The following AFF2 variants were observed in gnomAD, a reference collection of about 807,000 sequenced individuals.
AFF2 encodes AF4/FMR2 family member 2.
A neutral mutation model predicts 76.9 loss-of-function variants in AFF2; 14 were observed. The ratio of observed to expected loss-of-function variants is 0.18; its 90% CI spans 0.12 to 0.28. AFF2 has a LOEUF of 0.28. Ranked by LOEUF, AFF2 falls within the 10% of genes least tolerant of loss-of-function variation. The pLI, the probability that AFF2 is intolerant of heterozygous loss-of-function variation, is 1.00. For synonymous variants in AFF2, 398 were observed against 366.7 expected (o/e 1.09, Z -0.98); for missense variants, 868 against 1,001.1 (o/e 0.87, Z 1.79).
intron 1 of AFF2, among the ~76,000 whole-genome samples, chrX:148,590,478 T>C (rs1344132842): frequency 1.8e-5 from 2 of 111,667 alleles, no homozygotes; most frequent in Admixed American, 1.9e-4. Context: ...TCTTCCTTTT[T>C]AATTTCTCAA....
intron 1 of AFF2, among the ~76,000 whole-genome samples, chrX:148,527,641 A>G (rs1261681230): frequency 1.8e-5 from 2 of 111,622 alleles, no homozygotes; most frequent in African/African-American, 6.5e-5. Flanking sequence ...AATTAACACT[A>G]CGTGAAAGAT....
At chrX:148,959,341 C>T (rs1263989261) in intron 12 of AFF2, among the ~76,000 whole-genome samples, 1 of 112,536 alleles carries the variant, frequency 8.9e-6, no homozygotes, top group Non-Finnish European at 1.9e-5. Flanking sequence ...ATTCATTCAA[C>T]ATTAGAGATT....
intron 3 of AFF2, among the ~76,000 whole-genome samples, chrX:148,773,744 AAG>A (rs782186843): frequency 1.6e-4 from 14 of 87,067 alleles, no homozygotes; most frequent in South Asian, 1.1e-3. Context: ...GAAAGAAAGA[AAG>A]AGAAAGAAAG....
intron 1 of AFF2, among the ~76,000 whole-genome samples, chrX:148,521,097 G>C (rs2052592154): frequency 9.0e-6 from 1 of 111,349 alleles, no homozygotes; most frequent in Non-Finnish European, 1.9e-5. Flanking sequence ...GCTACCTTAA[G>C]TCTACTTCCT....
At chrX:148,893,622 T>C (rs2071248548) in intron 8 of AFF2, among the ~76,000 whole-genome samples, 1 of 112,230 alleles carries the variant, frequency 8.9e-6, no homozygotes, top group African/African-American at 3.2e-5. Flanking sequence ...ACAATGACCT[T>C]AAGTCAGACA....
intron 1 of AFF2, among the ~76,000 whole-genome samples, chrX:148,619,087 C>T (rs1163741942): frequency 1.8e-5 from 2 of 111,386 alleles, no homozygotes; most frequent in African/African-American, 3.3e-5. Flanking sequence ...TTCTATTTTC[C>T]TTCACTATGA....
In AFF2 at chrX:148,967,638, T is replaced by A; in HGVS notation, c.3213T>A (p.Asn1071Lys). 8.3e-7 allele frequency: 1 copy of A among 1,209,467 alleles called. No individual in the cohort carries two copies. Residue 1071 changes from asparagine (N) to lysine (K), a missense_variant, in exon 15 of 21, where the codon AAT becomes AAA. Transcript: ENST00000370460. ...PKLTFDDSVH[N>K]ADYYMQEAKK... Reference sequence around the variant, plus strand: ...TGTTTTGTTTATTTAGGGTTCACAATGCTGATTATTACATGCAAGAAGCTA... The same window carrying A: ...TGTTTTGTTTATTTAGGGTTCACAAAGCTGATTATTACATGCAAGAAGCTA...
chrX:148,837,296 C>T (rs782503012), intron 4 of AFF2, among the ~76,000 whole-genome samples: 15 of 112,199 alleles, frequency 1.3e-4, no homozygotes, highest in Non-Finnish European at 3.8e-5. Flanking sequence ...TATCTTCCAA[C>T]AACTGAAGGC....
chrX:148,716,304 T>C (rs2055024951), intron 3 of AFF2, among the ~76,000 whole-genome samples: 2 of 111,473 alleles, frequency 1.8e-5, no homozygotes, highest in South Asian at 7.5e-4. Context: ...TTGGAAACAG[T>C]GCTACACTTA....
At chrX:148,640,724 T>G (rs782217201) in intron 1 of AFF2, among the ~76,000 whole-genome samples, 4 of 112,460 alleles carry the variant, frequency 3.6e-5, no homozygotes, top group Non-Finnish European at 5.6e-5. Context: ...TTCAAGGATC[T>G]TCCTGTCACT....
chrX:148,942,794 C>T (rs1225102574), intron 9 of AFF2, among the ~76,000 whole-genome samples: 4 of 91,889 alleles, frequency 4.4e-5, no homozygotes, highest in East Asian at 3.5e-4. Flanking sequence ...CCAGCCCAGG[C>T]GATAGTGTGA....
At chrX:148,655,269 G>A (rs1557256888) in intron 2 of AFF2, among the ~76,000 whole-genome samples, 1 of 84,252 alleles carries the variant, frequency 1.2e-5, no homozygotes, top group Non-Finnish European at 2.2e-5. Flanking sequence ...GCTTCCTGAT[G>A]GGGAAAAACC....
chrX:148,599,420 T>C (rs2053605365), intron 1 of AFF2, among the ~76,000 whole-genome samples: 2 of 111,654 alleles, frequency 1.8e-5, no homozygotes, highest in South Asian at 3.8e-4. Flanking sequence ...ATTCAAGCCA[T>C]ATGGCTTGAT....
chrX:148,813,815 G>T (rs184042477), intron 4 of AFF2, among the ~76,000 whole-genome samples: 1 of 112,061 alleles, frequency 8.9e-6, no homozygotes, highest in Non-Finnish European at 1.9e-5. Context: ...TCCTCAATTT[G>T]TACAAATTCA....
chrX:148,864,057 C>T (rs1359120125), intron 7 of AFF2, among the ~76,000 whole-genome samples: 2 of 111,312 alleles, frequency 1.8e-5, no homozygotes, highest in Non-Finnish European at 3.8e-5. Flanking sequence ...TGTGGCACTG[C>T]GTGTTCATTG....
In AFF2 at chrX:148,919,057, G is replaced by A. The variant is rs981672084; in HGVS notation, c.1397+14799G>A. On this transcript the variant is annotated intron_variant, in intron 9 of 20. Coordinates refer to ENST00000370460, the MANE Select transcript of AFF2 (RefSeq NM_002025.4). ...GATTTGTAATAATTCAGACATTAAT[G>A]TAGAAAGCCAAAATATCTGTCTATG... 2.7e-5 allele frequency among the ~76,000 whole-genome samples: 3 copies of A among 111,917 alleles called. 1 individual carries two copies. Among genetic ancestry groups the A allele is most frequent in the Non-Finnish European group, 5.6e-5 (3 of 53,189 alleles).
At chrX:148,897,319 CAT>C (rs1333572404) in intron 8 of AFF2, among the ~76,000 whole-genome samples, 1 of 52,289 alleles carries the variant, frequency 1.9e-5, no homozygotes, top group African/African-American at 6.7e-5. Flanking sequence ...TATATAAATA[CAT>C]ATATATATCC....
chrX:148,860,163 A>C (rs2070831337), intron 7 of AFF2, among the ~76,000 whole-genome samples: 1 of 111,964 alleles, frequency 8.9e-6, no homozygotes, highest in South Asian at 3.8e-4. Flanking sequence ...CTAATTCTGT[A>C]AAGCTCATTC....
At chrX:148,560,995 C>T (rs1432525941) in intron 1 of AFF2, among the ~76,000 whole-genome samples, 1 of 111,342 alleles carries the variant, frequency 9.0e-6, no homozygotes, top group African/African-American at 3.3e-5. Context: ...TGGTTTCTGC[C>T]ATGGTAGACC....
Sources: gnomAD v4.1 joint callset for allele counts (sites outside exome capture counted in the v4.1 genomes callset) on GRCh38, gnomAD v4.1.1 for gene constraint, MANE v1.5 for transcripts, NCBI Gene and HGNC (gene_info 2026-07-23, HGNC 2026-07-21) for gene names.